The following ZNF624 variants were observed in gnomAD, a reference collection of about 807,000 sequenced individuals.
ZNF624 encodes the protein zinc finger protein 624.
ZNF624 carries 43 observed loss-of-function variants against 74.7 expected under a neutral mutation model. The observed-to-expected ratio is 0.58, with a 90% confidence interval of 0.45 to 0.74. The LOEUF (loss-of-function observed/expected upper bound fraction) is 0.74, where lower values mean the gene tolerates loss of function less well. Among genes scored for constraint, ZNF624 ranks in the 30% least tolerant of loss-of-function variants. The pLI is 0.00. For synonymous variants in ZNF624, 331 were observed against 341.3 expected, an observed-to-expected ratio of 0.97 and a Z score of 0.33; for missense variants, 820 against 1,030.0, an observed-to-expected ratio of 0.80 and a Z score of 2.79.
intron 1 of ZNF624, among the ~76,000 whole-genome samples, chr17:16,650,656 G>A (rs1025867481): frequency 2.0e-4 from 31 of 152,060 alleles, no homozygotes; most frequent in Non-Finnish European, 1.2e-4. Flanking sequence ...CCTGATGTAG[G>A]ATATCAAACA....
rs147355366 is a variant in ZNF624, at chr17:16,622,576, A to G, written c.2310T>C (p.His770=). 18 of 1,613,948 alleles carry G rather than the reference A, an allele frequency of 1.1e-5. No individual in the cohort carries two copies. Among genetic ancestry groups the G allele is most frequent in the Non-Finnish European group, 1.4e-5 (17 of 1,179,920 alleles). The change falls in exon 6 of 6, where the codon CAT becomes CAC. Residue 770 remains histidine (H), a synonymous_variant. Coordinates refer to ENST00000311331, the MANE Select transcript of ZNF624 (RefSeq NM_020787.4). ...AFRRGSYLTV[H]WRTHTGEKPY... Reference sequence around the variant, plus strand: ...GTTTTTCTCCAGTGTGTGTTCTCCAATGCACTGTAAGGTAAGAACCCCTCC... The same window carrying G: ...GTTTTTCTCCAGTGTGTGTTCTCCAGTGCACTGTAAGGTAAGAACCCCTCC...
chr17:16,641,517 C>G (rs1909467313), intron 3 of ZNF624, among the ~76,000 whole-genome samples: 1 of 152,212 alleles, frequency 6.6e-6, no homozygotes, highest in Admixed American at 6.5e-5. Flanking sequence ...CTCCTGGCCT[C>G]AAGTGATCCA....
chr17:16,628,888 C>T (rs543660588), intron 5 of ZNF624, among the ~76,000 whole-genome samples: 4 of 152,010 alleles, frequency 2.6e-5, no homozygotes, highest in Admixed American at 6.5e-5. Flanking sequence ...AAACTAAACT[C>T]TTAAAAGCAG....
intron 5 of ZNF624, among the ~76,000 whole-genome samples, chr17:16,632,834 G>A (rs779936713): frequency 2.6e-5 from 4 of 152,188 alleles, no homozygotes; most frequent in Admixed American, 6.5e-5. Context: ...CATCTACAAA[G>A]CCCTGCACAG....
Position 16,627,518 on chromosome 17 carries a change from A to G in ZNF624, c.377-3009T>C, listed in dbSNP as rs148231689. On this transcript the variant is annotated intron_variant, in intron 5 of 5. Coordinates refer to ENST00000311331, the MANE Select transcript of ZNF624 (RefSeq NM_020787.4). ...TAGAAAGACTTAACAAATTACAAGGAGAAGAATGAAACCCAGAAAAACAAT... is the reference window on the plus strand; with the variant it reads ...TAGAAAGACTTAACAAATTACAAGGGGAAGAATGAAACCCAGAAAAACAAT... 2.6e-3 allele frequency among the ~76,000 whole-genome samples: 390 copies of G among 152,280 alleles called. 2 individuals carry two copies. The highest frequency in any genetic ancestry group is 9.0e-3 in the African/African-American group (373 of 41,512).
Position 16,648,488 on chromosome 17 carries a change from G to A in ZNF624, c.88-1094C>T, listed in dbSNP as rs192020018. ...TCTCTGATAGAGACGGGTTGATCCC[G>A]TGATACACGATTAGACAAATATGGT... On this transcript the variant is annotated intron_variant, in intron 2 of 5. Transcript: ENST00000311331. 5.9e-5 allele frequency among the ~76,000 whole-genome samples: 9 copies of A among 152,316 alleles called. No individual in the cohort carries two copies. In the East Asian group the frequency reaches 1.3e-3, roughly 23 times the overall value.
In ZNF624 at chr17:16,627,733, C is replaced by T. The variant is rs137895676; in HGVS notation, c.377-3224G>A. ...GGCTGGAACCTTAAGGTGATAAGCC[C>T]TACAAATAGAACGACTAAGAAATAG... On this transcript the variant is annotated intron_variant, in intron 5 of 5. Coordinates refer to ENST00000311331, the MANE Select transcript of ZNF624 (RefSeq NM_020787.4). Among the ~76,000 whole-genome samples the T allele has an allele frequency of 3.0e-3, 455 of 152,238 alleles. 3 individuals are homozygous for T. The highest frequency in any genetic ancestry group is 0.01 in the African/African-American group (428 of 41,536).
chr17:16,630,798 T>C (rs1270587878), intron 5 of ZNF624, among the ~76,000 whole-genome samples: 2 of 151,786 alleles, frequency 1.3e-5, no homozygotes, highest in East Asian at 3.9e-4. Flanking sequence ...TATAACTTTG[T>C]ATTTACATAA....
At chr17:16,620,516 C>T (rs1418489624), downstream of ZNF624, among the ~76,000 whole-genome samples, 1 of 152,166 alleles carries the variant, frequency 6.6e-6, no homozygotes, top group Non-Finnish European at 1.5e-5. Flanking sequence ...TATTCTTGGG[C>T]ACATTTTTCA....
At chr17:16,618,385 C>G (rs1908834344), downstream of ZNF624, among the ~76,000 whole-genome samples, 1 of 151,980 alleles carries the variant, frequency 6.6e-6, no homozygotes, top group Non-Finnish European at 1.5e-5. Context: ...TTTTGGAATA[C>G]TCATAGATTA....
chr17:16,643,217 G>T (rs188132324), intron 3 of ZNF624, among the ~76,000 whole-genome samples: 1 of 152,104 alleles, frequency 6.6e-6, no homozygotes, highest in East Asian at 1.9e-4. Flanking sequence ...ACACAAAAAC[G>T]TATACACAAA....
chr17:16,622,657 C>T lies in ZNF624; in HGVS notation c.2229G>A (p.Gln743=), dbSNP rs148779844. Reference sequence around the variant, plus strand: ...AGGGCTTCTCTCCACTATGGATTTTCTGATGTTCTGTGACATGTACCATCT... The same window carrying T: ...AGGGCTTCTCTCCACTATGGATTTTTTGATGTTCTGTGACATGTACCATCT... ...FSQMVHVTEH[Q]KIHSGEKPYK... Residue 743 remains glutamine (Q), a synonymous_variant, in exon 6 of 6, where the codon CAG becomes CAA. Transcript: ENST00000311331. 4.0e-4 allele frequency: 644 copies of T among 1,613,868 alleles called. No homozygotes were observed. The highest frequency in any genetic ancestry group is 5.3e-4 in the Non-Finnish European group (629 of 1,179,956).
At position 16,633,859 on chromosome 17, in the gene ZNF624, C is replaced by T. The variant is rs1382650112; in HGVS notation, c.376+3G>A. 1 of 1,610,326 alleles carries T rather than the reference C, an allele frequency of 6.2e-7. No homozygotes were observed. The stretch of plus-strand genomic sequence containing the variant: ...CCCATCTTCTTGGTTCTGTTTAACT[C>T]ACCAGGATAGGGAATTCTTGAAATT... On this transcript the variant is annotated splice_donor_region_variant and intron_variant, in intron 5 of 5. Coordinates refer to ENST00000311331, the MANE Select transcript of ZNF624 (RefSeq NM_020787.4).
intron 2 of ZNF624, 85 bp from the exon 3 acceptor site, chr17:16,647,479 T>A: frequency 9.0e-7 from 1 of 1,105,324 alleles, no homozygotes; most frequent in Non-Finnish European, 1.4e-6. Flanking sequence ...CAATCCACTG[T>A]GGATGCAGTG....
At position 16,622,888 on chromosome 17, in the gene ZNF624, T is replaced by C. The variant is rs759516182; in HGVS notation, c.1998A>G (p.Lys666=). The C allele has an allele frequency of 5.0e-6, 8 of 1,613,852 alleles. No individual in the cohort carries two copies. In the South Asian group the frequency reaches 8.8e-5, roughly 18 times the overall value. Residue 666 remains lysine (K), a synonymous_variant, in exon 6 of 6, where the codon AAA becomes AAG. Coordinates refer to ENST00000311331, the MANE Select transcript of ZNF624 (RefSeq NM_020787.4). ...IVHQRTHTGE[K]PYKCNECEKA... ...TCTCACATTCATTACATTTATATGG[T>C]TTTTCTCCAGTATGGGTCCTCTGAT...
At chr17:16,626,407 A>G (rs756492000) in intron 5 of ZNF624, among the ~76,000 whole-genome samples, 5 of 151,880 alleles carry the variant, frequency 3.3e-5, no homozygotes, top group Non-Finnish European at 7.4e-5. Flanking sequence ...TTTTGCTGTC[A>G]TAGGATATTA....
In ZNF624 at chr17:16,624,224, T is replaced by C; in HGVS notation, c.662A>G (p.His221Arg). 6.2e-7 allele frequency: 1 copy of C among 1,614,234 alleles called. No individual in the cohort carries two copies. The highest frequency in any genetic ancestry group is 1.3e-5 in the African/African-American group (1 of 75,072). ...PEPGIATEEL[H>R]SRCQTQEENF... ...TTCCTCTTGTGTTTGGCATCTGCTGTGAAGCTCTTCTGTGGCAATGCCTGG... is the reference window on the plus strand; with the variant it reads ...TTCCTCTTGTGTTTGGCATCTGCTGCGAAGCTCTTCTGTGGCAATGCCTGG... Residue 221 changes from histidine (H) to arginine (R), a missense_variant, in exon 6 of 6, where the codon CAC becomes CGC. His to Arg is a conservative substitution (Grantham distance 29, BLOSUM62 0). Coordinates refer to ENST00000311331, the MANE Select transcript of ZNF624 (RefSeq NM_020787.4).
In ZNF624 at chr17:16,622,618, G is replaced by C. The variant is rs1256137004; in HGVS notation, c.2268C>G (p.Val756=). 1.2e-6 allele frequency: 2 copies of C among 1,613,826 alleles called. No individual in the cohort carries two copies. The highest frequency in any genetic ancestry group is 2.7e-5 in the African/African-American group (2 of 74,874). The change falls in exon 6 of 6, where the codon GTC becomes GTG. Residue 756 remains valine (V), a synonymous_variant. Transcript: ENST00000311331. ...AACCCCTCCTGAAGGCTTTTCCACAGACATCACACTTATAGGGCTTCTCTC... is the reference window on the plus strand; with the variant it reads ...AACCCCTCCTGAAGGCTTTTCCACACACATCACACTTATAGGGCTTCTCTC... The part of the protein sequence containing the change: ...HSGEKPYKCD[V]CGKAFRRGSY...
chr17:16,623,785 T>C lies in ZNF624; in HGVS notation c.1101A>G (p.Lys367=), dbSNP rs1251779079. 3 of 1,613,908 alleles carry C rather than the reference T, an allele frequency of 1.9e-6. No homozygotes were observed. The highest frequency in any genetic ancestry group is 2.2e-5 in the East Asian group (1 of 44,886). ...TAAGACGGGCACACTGGCTAAAAGA[T>C]TTCCCACACACATTACACTGATAAG... ...EKPYQCNVCG[K]SFSQCARLNQ... The change falls in exon 6 of 6, where the codon AAA becomes AAG. Residue 367 remains lysine (K), a synonymous_variant. Transcript: ENST00000311331. This position sits in a 1 kb window ranked among gnomAD's most constrained non-coding sequence, Gnocchi z 5.3.
Sources: allele counts gnomAD v4.1 joint callset (sites outside exome capture counted in the v4.1 genomes callset), GRCh38; gene constraint gnomAD v4.1.1; non-coding constraint Gnocchi (gnomAD v3.1); transcripts MANE v1.5; gene names NCBI Gene and HGNC (gene_info 2026-07-23, HGNC 2026-07-21).